The following SSR4 variants were observed in gnomAD, a reference collection of about 807,000 sequenced individuals.
SSR4 encodes the protein translocon-associated protein subunit delta.
For synonymous variants in SSR4, 84 were observed against 65.6 expected (o/e 1.28, Z -1.35); for missense variants, 125 against 148.8 (o/e 0.84, Z 0.83).
At chrX:153,797,886 G>A in intron 4 of SSR4, 72 bp downstream of exon 4, 3 of 958,461 alleles carry the variant, frequency 3.1e-6, no homozygotes, top group Admixed American at 5.2e-5. Flanking sequence ...GGAGGTGCTG[G>A]CAGCAAGTCC....
chrX:153,797,154 T>C, intron 2 of SSR4: 1 of 346,938 alleles, frequency 2.9e-6, no homozygotes, highest in Non-Finnish European at 5.1e-6. Context: ...AGCACCTCCC[T>C]TGTAGACTCA....
intron 3 of SSR4, 87 bp downstream of exon 3, chrX:153,797,619 A>C: frequency 8.9e-7 from 1 of 1,119,443 alleles, no homozygotes; most frequent in Non-Finnish European, 1.2e-6. Flanking sequence ...AACCAGGGCC[A>C]GGGGCCGTGG....
intron 4 of SSR4, 47 bp from the exon 5 acceptor site, chrX:153,798,024 C>T (rs781803063): frequency 7.9e-5 from 67 of 849,241 alleles, no homozygotes; most frequent in East Asian, 2.8e-4. Context: ...CACCCCCACA[C>T]GCCAGGCACC....
chrX:153,797,140 C>G (rs1189672264), intron 2 of SSR4: 10 of 324,172 alleles, frequency 3.1e-5, no homozygotes, highest in Non-Finnish European at 4.4e-5. Flanking sequence ...GCACCCCTGA[C>G]CCCAGCACCT....
At chrX:153,797,920 T>G (rs2092151743) in intron 4 of SSR4, 106 bp downstream of exon 4, 1 of 850,210 alleles carries the variant, frequency 1.2e-6, no homozygotes, top group African/African-American at 2.0e-5. Flanking sequence ...CTTTCTGTGA[T>G]CCTGTCCCTT....
chrX:153,797,596 GGGGTGGCC>G, intron 3 of SSR4, 64 bp downstream of exon 3: 4 of 1,144,120 alleles, frequency 3.5e-6, no homozygotes, highest in Non-Finnish European at 4.8e-6. Flanking sequence ...TGAAGCCCCA[GGGGTGGCC>G]GGTCAACCAG....
At chrX:153,795,838 G>C in intron 1 of SSR4, 2 of 755,171 alleles carry the variant, frequency 2.6e-6, no homozygotes, top group Non-Finnish European at 3.1e-6. Context: ...TTGGGCCTCT[G>C]GTTATGGAGA....
At chrX:153,794,323 C>A (rs782691651), upstream of SSR4, 6 of 1,197,307 alleles carry the variant, frequency 5.0e-6, no homozygotes, top group Non-Finnish European at 6.7e-6. Context: ...ACCTTCAGCG[C>A]CATGACGGAA....
intron 1 of SSR4, chrX:153,795,926 AGG>A (rs2092137695): frequency 1.5e-6 from 1 of 663,329 alleles, no homozygotes; most frequent in Non-Finnish European, 1.8e-6. Context: ...TTACTTCTTC[AGG>A]AAACGCTGGG....
chrX:153,794,356 G>A, upstream of SSR4: 13 of 1,181,965 alleles, frequency 1.1e-5, no homozygotes, highest in East Asian at 3.1e-5. Context: ...CGCACGTCCC[G>A]ACACGCAGAT....
At chrX:153,796,354 A>T in intron 1 of SSR4, 80 bp from the exon 2 acceptor site, 1 of 692,927 alleles carries the variant, frequency 1.4e-6, no homozygotes, top group Non-Finnish European at 2.3e-6. Flanking sequence ...CCGTGCTATG[A>T]GGCAGGGCCG....
chrX:153,798,015 A>T (rs868967870), intron 4 of SSR4, 56 bp from the exon 5 acceptor site: 1 of 207,763 alleles, frequency 4.8e-6, no homozygotes, highest in Non-Finnish European at 8.7e-6. Context: ...TCCCCTCCCC[A>T]CCCCCACACG....
intron 3 of SSR4, 61 bp downstream of exon 3, chrX:153,797,593 C>T: frequency 8.7e-7 from 1 of 1,148,740 alleles, no homozygotes; most frequent in Non-Finnish European, 1.2e-6. Flanking sequence ...ACCTGAAGCC[C>T]CAGGGGTGGC....
chrX:153,797,721 C>G lies in SSR4; in HGVS notation c.262-4C>G. ...GCCCACACTCTGCTCAACACCCAAC[C>G]CAGGTGTCCTGGAGCCTGGACCACA... On this transcript the variant is annotated splice_region_variant and splice_polypyrimidine_tract_variant and intron_variant, in intron 3 of 5. Transcript: ENST00000370086. 1 of 1,209,608 alleles carries G rather than the reference C, an allele frequency of 8.3e-7. No individual in the cohort carries two copies. Among genetic ancestry groups the G allele is most frequent in the Non-Finnish European group, 1.1e-6 (1 of 894,059 alleles).
upstream of SSR4, chrX:153,794,266 G>C (rs1557071325): frequency 1.4e-5 from 17 of 1,199,884 alleles, no homozygotes; most frequent in Admixed American, 2.2e-4. Context: ...CGGCAGAGAA[G>C]GGCTGGCCCG....
Position 153,798,046 on chromosome X carries a change from C to A in SSR4, c.352-25C>A, listed in dbSNP as rs782687412. The stretch of plus-strand genomic sequence containing the variant: ...ACACGCCAGGCACCCCTGACCCCAG[C>A]ACCTCCCTTGCACCTCCCTTGCAGG... On this transcript the variant is annotated intron_variant, in intron 4 of 5. Transcript: ENST00000370086. 29 of 1,197,299 alleles carry A rather than the reference C, an allele frequency of 2.4e-5. No homozygotes were observed. In the South Asian group the frequency reaches 5.1e-4, roughly 21 times the overall value.
chrX:153,794,318 C>T, upstream of SSR4: 2 of 1,197,168 alleles, frequency 1.7e-6, no homozygotes, highest in Non-Finnish European at 2.2e-6. Context: ...TCGCTACCTT[C>T]AGCGCCATGA....
chrX:153,795,755 T>G, intron 1 of SSR4: 1 of 755,118 alleles, frequency 1.3e-6, no homozygotes, highest in Non-Finnish European at 1.6e-6. Context: ...GGACAGCGGG[T>G]GGCTGAGAAC....
chrX:153,798,213 G>C, intron 5 of SSR4, 77 bp downstream of exon 5: 1 of 1,174,848 alleles, frequency 8.5e-7, no homozygotes, highest in Non-Finnish European at 1.2e-6. Flanking sequence ...CCCCAGCTCT[G>C]CTGCTGGGCC....
Sources: gnomAD v4.1 joint callset for allele counts on GRCh38, gnomAD v4.1.1 for gene constraint, MANE v1.5 for transcripts, NCBI Gene and HGNC (gene_info 2026-07-23, HGNC 2026-07-21) for gene names.